KCNMA1: variants seen among roughly 807,000 people sequenced by gnomAD.
KCNMA1 encodes Calcium-activated potassium channel subunit alpha-1.
In KCNMA1, 29 loss-of-function variants were observed where a neutral mutation model predicts 140.0. The observed-to-expected ratio is 0.21, with a 90% CI of 0.15 to 0.28. The LOEUF (loss-of-function observed/expected upper bound fraction) is 0.28. KCNMA1 is among the 10% of genes least tolerant of loss of function. The pLI is 1.00. For missense variants in KCNMA1, 880 were observed against 1,602.2 expected (o/e 0.55, Z 7.70); for synonymous variants, 612 against 611.9 (o/e 1.00, Z 0.00).
At chr10:77,163,730 T>C (rs1516510) in intron 5 of KCNMA1, among the ~76,000 whole-genome samples, 39,906 of 152,102 alleles carry the variant, frequency 0.26, 5,656 homozygotes, top group African/African-American at 0.3. Context: ...TGCTAATTAC[T>C]AAAGACTGTC....
At chr10:77,092,673 C>T (rs1033040883) in intron 9 of KCNMA1, among the ~76,000 whole-genome samples, 4 of 152,226 alleles carry the variant, frequency 2.6e-5, no homozygotes, top group Non-Finnish European at 5.9e-5. Context: ...ACCACCCAGC[C>T]GGCCTCCTGT....
chr10:77,008,990 C>A (rs1396935678), intron 18 of KCNMA1, among the ~76,000 whole-genome samples: 3 of 152,166 alleles, frequency 2.0e-5, no homozygotes, highest in African/African-American at 7.2e-5. Flanking sequence ...TTATTCTAAC[C>A]ACCCCCTCAC....
chr10:77,065,073 T>C (rs1047623147), intron 14 of KCNMA1, among the ~76,000 whole-genome samples: 1 of 152,220 alleles, frequency 6.6e-6, no homozygotes, highest in East Asian at 1.9e-4. Flanking sequence ...CTGTCTGTAA[T>C]ACAGGCTGGT....
chr10:77,221,999 T>C (rs2049851255), intron 3 of KCNMA1, among the ~76,000 whole-genome samples: 1 of 136,192 alleles, frequency 7.3e-6, no homozygotes, highest in African/African-American at 2.6e-5. Flanking sequence ...ATCTGTAAAA[T>C]GGTGATCATA....
chr10:77,279,647 T>C (rs1034802331), intron 2 of KCNMA1, among the ~76,000 whole-genome samples: 2 of 152,188 alleles, frequency 1.3e-5, no homozygotes, highest in Non-Finnish European at 2.9e-5. Flanking sequence ...TGTCTTGATA[T>C]GGTTTGGCTA....
At chr10:77,044,478 G>A (rs1306756583) in intron 14 of KCNMA1, among the ~76,000 whole-genome samples, 2 of 152,030 alleles carry the variant, frequency 1.3e-5, no homozygotes, top group Non-Finnish European at 2.9e-5. Context: ...GCAAGACCCT[G>A]TCTCTACAAA....
intron 1 of KCNMA1, among the ~76,000 whole-genome samples, chr10:77,481,715 C>T (rs1163217127): frequency 6.8e-6 from 1 of 148,006 alleles, no homozygotes. Context: ...GCAGAGCTTG[C>T]AGTGAGCCGA....
At chr10:77,056,612 G>C (rs1000342495) in intron 14 of KCNMA1, among the ~76,000 whole-genome samples, 1 of 152,094 alleles carries the variant, frequency 6.6e-6, no homozygotes, top group Admixed American at 6.6e-5. Context: ...ATGCCTAGAT[G>C]ACACAGATGT....
chr10:76,887,645 G>C (rs2151719231), intron 27 of KCNMA1, 130 bp from the exon 28 acceptor site: 2 of 1,020,876 alleles, frequency 2.0e-6, no homozygotes, highest in South Asian at 2.7e-5. Flanking sequence ...CTCCTAGCTG[G>C]TCTGAGGCCT....
intron 1 of KCNMA1, among the ~76,000 whole-genome samples, chr10:77,523,475 C>T (rs796515857): frequency 6.6e-6 from 1 of 152,314 alleles, no homozygotes; most frequent in African/African-American, 2.4e-5. Flanking sequence ...GTAACCTCTA[C>T]CTGGGAGAGA....
rs552670936 is a variant in KCNMA1 at position 77,439,901 on chromosome 10, T to C, written c.379-35878A>G. ...GGAGTCCTGCAGAGTGGTGGCAATCTTCAAGTCCATCTGATTCATGCAAAA... is the reference window on the plus strand; with the variant it reads ...GGAGTCCTGCAGAGTGGTGGCAATCCTCAAGTCCATCTGATTCATGCAAAA... On this transcript the variant is annotated intron_variant, in intron 1 of 27. Transcript: ENST00000286628. Among the ~76,000 whole-genome samples the C allele has an allele frequency of 2.6e-4, 39 of 152,292 alleles. 2 individuals carry two copies.
chr10:77,180,820 G>A (rs776396823), intron 5 of KCNMA1, among the ~76,000 whole-genome samples: 1 of 152,156 alleles, frequency 6.6e-6, no homozygotes, highest in African/African-American at 2.4e-5. Flanking sequence ...TATCTCATTA[G>A]AAATTCATTT....
At chr10:76,968,133 T>C (rs1049177092) in intron 20 of KCNMA1, among the ~76,000 whole-genome samples, 1 of 152,116 alleles carries the variant, frequency 6.6e-6, no homozygotes, top group Non-Finnish European at 1.5e-5. Flanking sequence ...GCACATAAAA[T>C]GTAGCGTGTA....
chr10:77,387,571 C>CT (rs1396268188), intron 2 of KCNMA1, among the ~76,000 whole-genome samples: 22 of 148,234 alleles, frequency 1.5e-4, no homozygotes, highest in African/African-American at 3.5e-4. Flanking sequence ...CTTTTCTTTT[C>CT]TTTTTTTTCT....
chr10:77,341,692 G>A (rs757851192), intron 2 of KCNMA1, among the ~76,000 whole-genome samples: 2 of 152,190 alleles, frequency 1.3e-5, no homozygotes, highest in Non-Finnish European at 2.9e-5. Context: ...TGGTGAAGGG[G>A]GTAGTGAGAG....
intron 1 of KCNMA1, among the ~76,000 whole-genome samples, chr10:77,503,194 C>T (rs1043135408): frequency 3.9e-5 from 6 of 152,190 alleles, no homozygotes; most frequent in Admixed American, 6.5e-5. Flanking sequence ...GAACTCCCAC[C>T]CCTCTAGGCC....
chr10:77,460,377 C>A (rs1401024296), intron 1 of KCNMA1, among the ~76,000 whole-genome samples: 1 of 152,148 alleles, frequency 6.6e-6, no homozygotes, highest in Non-Finnish European at 1.5e-5. Flanking sequence ...AATCTAGCAA[C>A]CCCACTAATG....
At chr10:77,101,610 G>C (rs2097099775) in intron 9 of KCNMA1, among the ~76,000 whole-genome samples, 1 of 152,156 alleles carries the variant, frequency 6.6e-6, no homozygotes. Context: ...GTTCAGGCTG[G>C]GGAAGTCACG....
At chr10:77,439,116 A>G (rs957916430) in intron 1 of KCNMA1, among the ~76,000 whole-genome samples, 4 of 144,144 alleles carry the variant, frequency 2.8e-5, no homozygotes, top group African/African-American at 5.2e-5. Context: ...AGAAGAGAAG[A>G]GAAGAGAAGA....
Sources: gnomAD v4.1 joint callset for allele counts (sites outside exome capture counted in the v4.1 genomes callset) on GRCh38, gnomAD v4.1.1 for gene constraint, MANE v1.5 for transcripts, NCBI Gene and HGNC (gene_info 2026-07-23, HGNC 2026-07-21) for gene names.